SLC2A9: variants seen among roughly 807,000 people sequenced by gnomAD.
The protein encoded by SLC2A9 is solute carrier family 2 member 9.
SLC2A9 carries 39 observed loss-of-function variants against 50.6 expected under a neutral mutation model. The ratio of observed to expected loss-of-function variants is 0.77; its 90% CI spans 0.60 to 1.01. The LOEUF (loss-of-function observed/expected upper bound fraction) is 1.01, where lower values mean the gene tolerates loss of function less well. Ranked by LOEUF, SLC2A9 falls within the 50% of genes least tolerant of loss-of-function variation. SLC2A9 has a pLI of 0.00. For missense variants in SLC2A9, 686 were observed against 677.6 expected, an observed-to-expected ratio of 1.01 and a Z score of -0.14; for synonymous variants, 324 against 276.9, an observed-to-expected ratio of 1.17 and a Z score of -1.69.
intron 10 of SLC2A9, among the ~76,000 whole-genome samples, chr4:9,859,902 C>T (rs1273633354): frequency 3.3e-5 from 5 of 152,158 alleles, no homozygotes; most frequent in Non-Finnish European, 5.9e-5. Flanking sequence ...TCTGCAAGGC[C>T]GAACCATTTC....
At chr4:10,030,141 A>C (rs1763892478) in intron 1 of SLC2A9, among the ~76,000 whole-genome samples, 1 of 152,204 alleles carries the variant, frequency 6.6e-6, no homozygotes, top group Non-Finnish European at 1.5e-5. Flanking sequence ...AAGTTTTCCT[A>C]ATCTATTGTA....
At chr4:9,783,008 G>A (rs113828117) in intron 3 of SLC2A9, 14 of 1,614,034 alleles carry the variant, frequency 8.7e-6, no homozygotes, top group South Asian at 7.7e-5. Context: ...TGGACACCCC[G>A]AAGGCCCTCC....
At chr4:9,949,977 A>T (rs1316163063) in intron 5 of SLC2A9, among the ~76,000 whole-genome samples, 1 of 152,066 alleles carries the variant, frequency 6.6e-6, no homozygotes, top group Non-Finnish European at 1.5e-5. Flanking sequence ...GTCCCTCCCA[A>T]CAACTGCCTC....
chr4:9,989,394 G>T (rs889867170), intron 3 of SLC2A9, among the ~76,000 whole-genome samples: 2 of 152,052 alleles, frequency 1.3e-5, no homozygotes, highest in African/African-American at 4.8e-5. Context: ...TCTCCTAGAG[G>T]ACTATTTCAT....
At chr4:9,907,196 T>G (rs567010774) in intron 8 of SLC2A9, among the ~76,000 whole-genome samples, 1 of 152,360 alleles carries the variant, frequency 6.6e-6, no homozygotes, top group South Asian at 2.1e-4. Context: ...GGAGCCTAAC[T>G]GTGTGCTGTG....
intron 6 of SLC2A9, among the ~76,000 whole-genome samples, chr4:9,930,952 G>A (rs936345189): frequency 6.6e-6 from 1 of 152,176 alleles, no homozygotes; most frequent in Non-Finnish European, 1.5e-5. Context: ...CCCCAGATGT[G>A]TGCAGGCTGT....
chr4:9,920,355 C>T (rs1467464471), intron 7 of SLC2A9, 30 bp downstream of exon 7: 2 of 1,612,688 alleles, frequency 1.2e-6, no homozygotes, highest in East Asian at 4.5e-5. Context: ...TCCAGTCATG[C>T]AAGGATGCCC....
intron 2 of SLC2A9, among the ~76,000 whole-genome samples, chr4:10,004,505 G>A (rs115668471): frequency 6.6e-6 from 1 of 152,256 alleles, no homozygotes; most frequent in Non-Finnish European, 1.5e-5. Context: ...AGCCACAGAG[G>A]ATCTAGCAGA....
chr4:9,932,013 T>G (rs2110182356), intron 6 of SLC2A9, among the ~76,000 whole-genome samples: 1 of 125,360 alleles, frequency 8.0e-6, no homozygotes, highest in African/African-American at 3.1e-5. Flanking sequence ...TTGCCTGACT[T>G]GGAAAATCTC....
chr4:9,773,997 T>TTA (rs952406100), intron 1 of SLC2A9, among the ~76,000 whole-genome samples: 4 of 150,580 alleles, frequency 2.7e-5, no homozygotes, highest in African/African-American at 9.8e-5. Flanking sequence ...TCAGTCTTTT[T>TTA]TTTTTTTTTT....
chr4:9,801,506 C>A (rs1721399885), intron 3 of SLC2A9, among the ~76,000 whole-genome samples: 1 of 152,214 alleles, frequency 6.6e-6, no homozygotes, highest in South Asian at 2.1e-4. Context: ...AGAATGCAGT[C>A]AACACTGTAG....
chr4:9,899,863 T>G (rs1739272083), intron 8 of SLC2A9, among the ~76,000 whole-genome samples: 1 of 152,308 alleles, frequency 6.6e-6, no homozygotes, highest in East Asian at 1.9e-4. Context: ...GCAGACAGGC[T>G]TTTCCAAGTT....
chr4:9,782,625 A>T, intron 3 of SLC2A9: 1 of 1,614,004 alleles, frequency 6.2e-7, no homozygotes, highest in Non-Finnish European at 8.5e-7. Context: ...AACCTGGCCA[A>T]CTGGACGCCC....
At chr4:9,976,194 A>T (rs896469263) in intron 5 of SLC2A9, among the ~76,000 whole-genome samples, 1 of 152,210 alleles carries the variant, frequency 6.6e-6, no homozygotes, top group Non-Finnish European at 1.5e-5. Flanking sequence ...CCCAAACTTG[A>T]GTATCTCTCA....
intron 1 of SLC2A9, among the ~76,000 whole-genome samples, chr4:10,038,045 G>A (rs1230353766): frequency 6.6e-6 from 1 of 152,206 alleles, no homozygotes; most frequent in Non-Finnish European, 1.5e-5. Flanking sequence ...CAGGAAGAGA[G>A]TTGGCCTTGA....
intron 1 of SLC2A9, chr4:10,029,231 A>AT (rs1399417757): frequency 6.6e-6 from 1 of 152,188 alleles, no homozygotes; most frequent in Non-Finnish European, 1.5e-5. Flanking sequence ...GAGGACATAG[A>AT]TTTTCTAGGC....
chr4:9,818,001 C>T (rs1470469378), intron 3 of SLC2A9, among the ~76,000 whole-genome samples: 2 of 152,174 alleles, frequency 1.3e-5, no homozygotes, highest in African/African-American at 2.4e-5. Flanking sequence ...GACTGCCTTC[C>T]AGTGCTACAT....
At chr4:9,797,465 A>G (rs1364578649), downstream of SLC2A9, among the ~76,000 whole-genome samples, 1 of 152,190 alleles carries the variant, frequency 6.6e-6, no homozygotes, top group East Asian at 1.9e-4. Context: ...CAGACTGACC[A>G]AAACTCTCAT....
At chr4:9,920,640 C>T (rs553735026) in intron 6 of SLC2A9, 68 bp from the exon 7 acceptor site, 1 of 1,596,404 alleles carries the variant, frequency 6.3e-7, no homozygotes, top group South Asian at 1.1e-5. Flanking sequence ...ATGCTGGGCC[C>T]TGCAGGGACG....
Sources: allele counts gnomAD v4.1 joint callset (sites outside exome capture counted in the v4.1 genomes callset), GRCh38; gene constraint gnomAD v4.1.1; transcripts MANE v1.5; gene names NCBI Gene and HGNC (gene_info 2026-07-23, HGNC 2026-07-21).